Variants in PDK4 observed in about 807,000 individuals in gnomAD.
The protein encoded by PDK4 is pyruvate dehydrogenase kinase 4.
In PDK4, 43 loss-of-function variants were observed where a neutral mutation model predicts 51.7. The ratio of observed to expected loss-of-function variants is 0.83; its 90% CI spans 0.65 to 1.07. PDK4 has a LOEUF of 1.07. PDK4 is among the 50% of genes least tolerant of loss of function. PDK4 has a pLI of 0.00. For missense variants in PDK4, 498 were observed against 503.5 expected, an observed-to-expected ratio of 0.99 and a Z score of 0.10; for synonymous variants, 170 against 176.6, an observed-to-expected ratio of 0.96 and a Z score of 0.30.
rs755867869 is a variant in PDK4 at position 95,596,298 on chromosome 7, A to C, written c.-5T>G. The C allele has an allele frequency of 4.9e-5, 77 of 1,567,106 alleles. No individual in the cohort carries two copies. The Admixed American group carries it at 5.4e-4, about 11-fold the overall frequency. On this transcript the variant is annotated 5_prime_UTR_variant, in exon 1 of 11. Transcript: ENST00000005178. ...CACGAAGCGGGCCGCCTTCATCTTG[A>C]CGCCCACCCGGCCTGGCGGGGACTG...
intron 6 of PDK4, among the ~76,000 whole-genome samples, chr7:95,591,151 G>T (rs1319456989): frequency 6.6e-6 from 1 of 152,132 alleles, no homozygotes; most frequent in African/African-American, 2.4e-5. Flanking sequence ...GCCCAGGCTG[G>T]TCTTGAACTC....
intron 9 of PDK4, 76 bp from the exon 10 acceptor site, chr7:95,587,199 C>T: frequency 1.2e-6 from 1 of 837,982 alleles, no homozygotes; most frequent in South Asian, 1.5e-5. Flanking sequence ...AATTACTGTC[C>T]TCACTGATAC....
chr7:95,594,824 A>C (rs1007212432), intron 2 of PDK4, 199 bp downstream of exon 2: 19 of 361,294 alleles, frequency 5.3e-5, no homozygotes, highest in African/African-American at 4.0e-4. Flanking sequence ...CTACTTTTTC[A>C]GGGTAAAAAT....
chr7:95,590,316 G>C (rs1468393884), intron 6 of PDK4, among the ~76,000 whole-genome samples: 1 of 151,684 alleles, frequency 6.6e-6, no homozygotes, highest in Non-Finnish European at 1.5e-5. Context: ...GATTTTTCTT[G>C]TTTTTTGTAT....
rs201042936 is a variant in PDK4 at position 95,594,978 on chromosome 7, G to A, written c.272+45C>T. Reference sequence around the variant, plus strand: ...ACATAGTATAAGAATTCATACCCGGGTAACTGTTTCAAAACTAGAGACTTC... The same window carrying A: ...ACATAGTATAAGAATTCATACCCGGATAACTGTTTCAAAACTAGAGACTTC... On this transcript the variant is annotated intron_variant, in intron 2 of 10. Transcript: ENST00000005178. The A allele has an allele frequency of 2.1e-3, 3,055 of 1,439,142 alleles. 7 individuals are homozygous for A. Among genetic ancestry groups the A allele is most frequent in the Non-Finnish European group, 2.7e-3 (2,821 of 1,040,894 alleles). 89.1% of individuals were successfully genotyped at this position (1,439,142 alleles called of 1,614,324 possible).
Position 95,589,686 on chromosome 7 carries a change from A to G in PDK4, c.725T>C (p.Val242Ala). 2 of 1,589,832 alleles carry G rather than the reference A, an allele frequency of 1.3e-6. No individual in the cohort carries two copies. Among genetic ancestry groups the G allele is most frequent in the Non-Finnish European group, 1.7e-6 (2 of 1,158,358 alleles). ...ATGATGGAGGTGAGAAGGAACATAC[A>G]CGATGTGAATTGGTTGGTCTGGAAA... ...GKFPDQPIHI[V>A]YVPSHLHHML... The change falls in exon 7 of 11, where the codon GTG becomes GCG. Residue 242 changes from valine (V) to alanine (A), a missense_variant. Physicochemically the swap from Val to Ala is moderately conservative, Grantham distance 64. Coordinates refer to ENST00000005178, the MANE Select transcript of PDK4 (RefSeq NM_002612.4).
At chr7:95,594,348 T>A in intron 2 of PDK4, among the ~76,000 whole-genome samples, 1 of 152,186 alleles carries the variant, frequency 6.6e-6, no homozygotes, top group East Asian at 1.9e-4. Context: ...TCTCTAAGCA[T>A]CAGTATCTTC....
intron 10 of PDK4, 99 bp from the exon 11 acceptor site, chr7:95,585,880 C>A: frequency 9.7e-7 from 1 of 1,035,046 alleles, no homozygotes; most frequent in Non-Finnish European, 1.4e-6. Context: ...AGGTAAGTAT[C>A]CAAACATTCA....
rs56391840 is a variant in PDK4, at chr7:95,596,244, G to A, written c.50C>T (p.Ala17Val). Reference sequence around the variant, plus strand: ...CTCCACCTCTCGGGGCACCAGGCCGGCGCCGTTGAGCGAGCCAGCGCTGCG... The same window carrying A: ...CTCCACCTCTCGGGGCACCAGGCCGACGCCGTTGAGCGAGCCAGCGCTGCG... ...VLRSAGSLNG[A>V]GLVPREVEHF... Residue 17 changes from alanine (A) to valine (V), a missense_variant, in exon 1 of 11, where the codon GCC becomes GTC. Transcript: ENST00000005178. 6.3e-6 allele frequency: 10 copies of A among 1,595,654 alleles called. No homozygotes were observed. The East Asian group carries it at 2.3e-4, about 37-fold the overall frequency.
chr7:95,586,810 T>C (rs979289619), intron 10 of PDK4, 200 bp downstream of exon 10: 19 of 456,308 alleles, frequency 4.2e-5, no homozygotes, highest in Non-Finnish European at 7.0e-5. Flanking sequence ...TTGAGGCAGG[T>C]AGTATGGCCC....
intron 6 of PDK4, among the ~76,000 whole-genome samples, chr7:95,590,282 A>C (rs1298476478): frequency 6.6e-6 from 1 of 152,170 alleles, no homozygotes; most frequent in African/African-American, 2.4e-5. Context: ...TCATATTTTT[A>C]ATATTTAGTA....
In PDK4 at chr7:95,584,663, T is replaced by C. The variant is rs1053962669; in HGVS notation, c.*978A>G. 6.6e-6 allele frequency: 1 copy of C among 152,172 alleles called. No homozygotes were observed. The highest frequency in any genetic ancestry group is 2.4e-5 in the African/African-American group (1 of 41,438). The allele number at this position is 152,172 out of a possible 1,614,324, so 9.4% of individuals were successfully genotyped here. ...TATAATTAAATATATCAAAAATATA[T>C]CTTTTAAGCCTAGAAAATGGATGCC... On this transcript the variant is annotated 3_prime_UTR_variant, in exon 11 of 11. Transcript: ENST00000005178.
rs1584126673 is a variant in PDK4 at position 95,596,434 on chromosome 7, G to A, written c.-141C>T. On this transcript the variant is annotated 5_prime_UTR_variant, in exon 1 of 11. Coordinates refer to ENST00000005178, the MANE Select transcript of PDK4 (RefSeq NM_002612.4). ...CTGGCTGGCTTGTGCGCCCCGGCCT[G>A]GGCTGGGGTTTGAGGGTGCCGCGGA... 1 of 919,830 alleles carries A rather than the reference G, an allele frequency of 1.1e-6. No homozygotes were observed. Among genetic ancestry groups the A allele is most frequent in the Non-Finnish European group, 1.5e-6 (1 of 657,150 alleles). The allele number at this position is 919,830 out of a possible 1,614,324, so 57.0% of individuals were successfully genotyped here.
rs535661838 is a variant in PDK4, at chr7:95,587,980, T to G, written c.772-155A>C. ...TAAAACAGCTTTGTAAATAGCCATT[T>G]ATGAATGGGTCATGTAGGATGTATA... On this transcript the variant is annotated intron_variant, in intron 7 of 10. Transcript: ENST00000005178. Among the ~76,000 whole-genome samples the G allele has an allele frequency of 3.9e-5, 6 of 152,332 alleles. No individual in the cohort carries two copies. The East Asian group carries it at 1.2e-3, about 29-fold the overall frequency.
At position 95,585,022 on chromosome 7, in the gene PDK4, C is replaced by G. The variant is rs1170559469; in HGVS notation, c.*619G>C. On this transcript the variant is annotated 3_prime_UTR_variant, in exon 11 of 11. Transcript: ENST00000005178. ...TTCTGAGTTTTTACATAAGTTGATG[C>G]CTTCACTGCAACTTTGAATACAATG... 3 of 152,348 alleles carry G rather than the reference C, an allele frequency of 2.0e-5. No homozygotes were observed. The highest frequency in any genetic ancestry group is 4.8e-5 in the African/African-American group (2 of 41,466). 9.4% of individuals were successfully genotyped at this position (152,348 alleles called of 1,614,324 possible).
At chr7:95,594,298 T>C (rs1157488473) in intron 2 of PDK4, among the ~76,000 whole-genome samples, 5 of 152,210 alleles carry the variant, frequency 3.3e-5, no homozygotes, top group African/African-American at 1.2e-4. Context: ...CATATCCTGC[T>C]TCTGTGACCC....
intron 6 of PDK4, among the ~76,000 whole-genome samples, chr7:95,590,347 T>C (rs1231867399): frequency 6.6e-6 from 1 of 152,092 alleles, no homozygotes; most frequent in Non-Finnish European, 1.5e-5. Flanking sequence ...TTAAATCTTA[T>C]ATGTTAAATA....
At position 95,589,711 on chromosome 7, in the gene PDK4, A is replaced by C. The variant is rs779904666; in HGVS notation, c.700T>G (p.Phe234Val). The change falls in exon 7 of 11, where the codon TTT becomes GTT. Residue 234 changes from phenylalanine (F) to valine (V), a missense_variant. Coordinates refer to ENST00000005178, the MANE Select transcript of PDK4 (RefSeq NM_002612.4). Reference protein sequence around the residue: ...ELKLTQVNGKFPDQPIHIVYV... With the variant: ...ELKLTQVNGKVPDQPIHIVYV... ...ACGATGTGAATTGGTTGGTCTGGAAATTTTCCTAGAAAAATAAAATTCATT... is the reference window on the plus strand; with the variant it reads ...ACGATGTGAATTGGTTGGTCTGGAACTTTTCCTAGAAAAATAAAATTCATT... 18 of 1,549,152 alleles carry C rather than the reference A, an allele frequency of 1.2e-5. No homozygotes were observed. The South Asian group carries it at 2.0e-4, about 17-fold the overall frequency.
In PDK4 at chr7:95,596,374, G is replaced by A; in HGVS notation, c.-81C>T. 7.0e-7 allele frequency: 1 copy of A among 1,429,838 alleles called. No individual in the cohort carries two copies. Among genetic ancestry groups the A allele is most frequent in the African/African-American group, 1.5e-5 (1 of 65,852 alleles). 88.6% of individuals were successfully genotyped at this position (1,429,838 alleles called of 1,614,324 possible). On this transcript the variant is annotated 5_prime_UTR_variant, in exon 1 of 11. Transcript: ENST00000005178. ...CTCGGAGCAGAGCCTGGTTCCGAGG[G>A]GGCGCGGCGCGTCCGGGCGAGGACT... is the stretch of plus-strand genomic sequence containing the variant.
Sources: allele counts gnomAD v4.1 joint callset (sites outside exome capture counted in the v4.1 genomes callset), GRCh38; gene constraint gnomAD v4.1.1; transcripts MANE v1.5; gene names NCBI Gene and HGNC (gene_info 2026-07-23, HGNC 2026-07-21).